Variants in CCDC181 observed in about 807,000 individuals in gnomAD.
CCDC181 encodes the protein coiled-coil domain-containing protein 181.
In CCDC181, 35 loss-of-function variants were observed where a neutral mutation model predicts 58.7. The observed-to-expected ratio is 0.60, with a 90% CI of 0.46 to 0.79. The LOEUF is 0.79. Ranked by LOEUF, CCDC181 falls within the 30% of genes least tolerant of loss-of-function variation. CCDC181 has a pLI of 0.00. For synonymous variants in CCDC181, 183 were observed against 197.5 expected, an observed-to-expected ratio of 0.93 and a Z score of 0.62; for missense variants, 517 against 583.9, an observed-to-expected ratio of 0.89 and a Z score of 1.18.
chr1:169,395,461 T>A (rs12073238), intron 5 of CCDC181, among the ~76,000 whole-genome samples: 2,240 of 152,318 alleles, frequency 0.015, 58 homozygotes, highest in African/African-American at 0.051. Context: ...ATTGGTTTTT[T>A]AATAATAAAC....
chr1:169,420,972 T>G (rs935922533), intron 3 of CCDC181, among the ~76,000 whole-genome samples: 2 of 152,172 alleles, frequency 1.3e-5, no homozygotes, highest in Admixed American at 6.6e-5. Flanking sequence ...ATAGTCCAAG[T>G]CTTCCTGTTG....
At position 169,421,765 on chromosome 1, in the gene CCDC181, A is replaced by G; in HGVS notation, c.666T>C (p.Asp222=). Residue 222 remains aspartate (D), a synonymous_variant, in exon 3 of 6, where the codon GAT becomes GAC. Transcript: ENST00000367806. The part of the protein sequence containing the change: ...NKDRTILVER[D]GKFELLNLQD... ...GTAAATTCAGAAGTTCAAATTTTCCATCTCTCTCTACCAGTATTGTCCTAT... is the reference window on the plus strand; with the variant it reads ...GTAAATTCAGAAGTTCAAATTTTCCGTCTCTCTCTACCAGTATTGTCCTAT... The G allele has an allele frequency of 1.9e-6, 3 of 1,614,048 alleles. No individual in the cohort carries two copies. Among genetic ancestry groups the G allele is most frequent in the Non-Finnish European group, 2.5e-6 (3 of 1,180,004 alleles).
intron 4 of CCDC181, among the ~76,000 whole-genome samples, chr1:169,406,617 G>T (rs1655671161): frequency 1.3e-5 from 2 of 152,054 alleles, no homozygotes; most frequent in Admixed American, 6.5e-5. Context: ...TAGACACAGG[G>T]TGGGGAACAT....
intron 4 of CCDC181, among the ~76,000 whole-genome samples, chr1:169,407,885 T>G (rs61807021): frequency 0.028 from 4,310 of 152,304 alleles, 109 homozygotes; most frequent in Non-Finnish European, 0.044. Flanking sequence ...TACGAGGAAC[T>G]GTGCATTATT....
At chr1:169,417,839 C>T (rs1377415865) in intron 4 of CCDC181, among the ~76,000 whole-genome samples, 1 of 152,014 alleles carries the variant, frequency 6.6e-6, no homozygotes, top group African/African-American at 2.4e-5. Flanking sequence ...TGTAGAACCC[C>T]CATCACTCAA....
chr1:169,455,990 AT>A (rs1274940398), intron 2 of CCDC181, among the ~76,000 whole-genome samples: 2 of 151,806 alleles, frequency 1.3e-5, no homozygotes, highest in Non-Finnish European at 2.9e-5. Flanking sequence ...ATCAGATTTG[AT>A]TTTTTTTCTC....
chr1:169,436,719 A>G (rs1657064181), intron 2 of CCDC181, among the ~76,000 whole-genome samples: 1 of 152,216 alleles, frequency 6.6e-6, no homozygotes, highest in South Asian at 2.1e-4. Flanking sequence ...TGATTTCACT[A>G]TTACCTCTTT....
chr1:169,415,792 C>A (rs544796805), intron 4 of CCDC181, among the ~76,000 whole-genome samples: 1 of 152,260 alleles, frequency 6.6e-6, no homozygotes, highest in Admixed American at 6.5e-5. Flanking sequence ...ACATCCACCC[C>A]CAAAGACCTT....
intron 4 of CCDC181, among the ~76,000 whole-genome samples, chr1:169,415,792 C>G (rs544796805): frequency 6.6e-6 from 1 of 152,142 alleles, no homozygotes; most frequent in Admixed American, 6.5e-5. Flanking sequence ...ACATCCACCC[C>G]CAAAGACCTT....
At chr1:169,396,982 AGAAAT>A (rs1655071330) in intron 5 of CCDC181, among the ~76,000 whole-genome samples, 1 of 152,022 alleles carries the variant, frequency 6.6e-6, no homozygotes, top group East Asian at 1.9e-4. Context: ...TGGTGCCATA[AGAAAT>A]AATTTAAGTA....
At chr1:169,399,683 T>C (rs74704744) in intron 4 of CCDC181, among the ~76,000 whole-genome samples, 1,928 of 152,352 alleles carry the variant, frequency 0.013, 41 homozygotes, top group African/African-American at 0.042. Context: ...TGGAGACTTT[T>C]GCATCCATCC....
At chr1:169,434,707 C>T (rs1028591419) in intron 2 of CCDC181, among the ~76,000 whole-genome samples, 1 of 151,986 alleles carries the variant, frequency 6.6e-6, no homozygotes, top group Non-Finnish European at 1.5e-5. Flanking sequence ...CCACAGCAAA[C>T]ATCATATTCA....
chr1:169,401,053 AAC>A (rs1228845681), intron 4 of CCDC181, among the ~76,000 whole-genome samples: 3 of 152,202 alleles, frequency 2.0e-5, no homozygotes, highest in Non-Finnish European at 2.9e-5. Context: ...ACTCACTGCT[AAC>A]ACAGCAGTCT....
At chr1:169,431,782 A>G (rs950668393), upstream of CCDC181, among the ~76,000 whole-genome samples, 1 of 152,152 alleles carries the variant, frequency 6.6e-6, no homozygotes, top group African/African-American at 2.4e-5. Flanking sequence ...CCTCCTATTG[A>G]TGAGGGTCTA....
At chr1:169,437,904 C>T (rs967256376) in intron 2 of CCDC181, among the ~76,000 whole-genome samples, 3 of 152,178 alleles carry the variant, frequency 2.0e-5, no homozygotes, top group African/African-American at 4.8e-5. Context: ...CTAACTATGA[C>T]GTGAACCCCA....
chr1:169,434,853 A>G (rs1177255569), intron 2 of CCDC181, among the ~76,000 whole-genome samples: 3 of 152,058 alleles, frequency 2.0e-5, no homozygotes, highest in Non-Finnish European at 2.9e-5. Flanking sequence ...AAAACACAAT[A>G]TTGTGTCATT....
chr1:169,423,432 TC>T (rs1656575081), intron 2 of CCDC181, among the ~76,000 whole-genome samples: 2 of 17,214 alleles, frequency 1.2e-4, no homozygotes, highest in African/African-American at 3.7e-4. Context: ...CTTTAGCTTT[TC>T]TTTTCTTTTC....
intron 4 of CCDC181, among the ~76,000 whole-genome samples, chr1:169,400,161 AT>A (rs1457976686): frequency 6.6e-6 from 1 of 152,218 alleles, no homozygotes; most frequent in East Asian, 1.9e-4. Flanking sequence ...TATAGTGGGA[AT>A]ACTTCATTGC....
intron 2 of CCDC181, among the ~76,000 whole-genome samples, chr1:169,458,575 T>C (rs558875960): frequency 8.5e-5 from 13 of 152,360 alleles, no homozygotes; most frequent in African/African-American, 2.9e-4. Context: ...ATTTGGAAGC[T>C]TCCCAACATT....
Sources: gnomAD v4.1 joint callset for allele counts (sites outside exome capture counted in the v4.1 genomes callset) on GRCh38, gnomAD v4.1.1 for gene constraint, MANE v1.5 for transcripts, NCBI Gene and HGNC (gene_info 2026-07-23, HGNC 2026-07-21) for gene names.